The following UBE4B variants were observed in gnomAD, a reference collection of about 807,000 sequenced individuals.
UBE4B encodes ubiquitination factor E4B.
UBE4B carries 27 observed loss-of-function variants against 148.1 expected under a neutral mutation model. The ratio of observed to expected loss-of-function variants is 0.18; its 90% CI spans 0.13 to 0.25. The LOEUF is 0.25. UBE4B is among the 10% of genes least tolerant of loss of function. UBE4B has a pLI of 1.00. For synonymous variants in UBE4B, 596 were observed against 619.3 expected (o/e 0.96, Z 0.56); for missense variants, 1,170 against 1,662.4 (o/e 0.70, Z 5.15).
At chr1:10,048,631 G>A (rs142869280) in intron 1 of UBE4B, among the ~76,000 whole-genome samples, 1 of 152,284 alleles carries the variant, frequency 6.6e-6, no homozygotes, top group East Asian at 1.9e-4. Context: ...TTCATGATGT[G>A]GGGGAATGCT....
intron 19 of UBE4B, among the ~76,000 whole-genome samples, chr1:10,148,442 G>T (rs1387459487): frequency 1.3e-5 from 2 of 151,740 alleles, no homozygotes; most frequent in Non-Finnish European, 2.9e-5. Context: ...GACCATCCTG[G>T]CCAACGTGGT....
intron 8 of UBE4B, 36 bp from the exon 9 acceptor site, chr1:10,119,477 T>C (rs756118043): frequency 1.2e-6 from 2 of 1,600,184 alleles, no homozygotes; most frequent in African/African-American, 2.7e-5. Context: ...GTATTGTTTG[T>C]TTCTTGTCGT....
chr1:10,101,219 G>T (rs750508423), intron 4 of UBE4B, 24 bp downstream of exon 4: 6 of 1,608,242 alleles, frequency 3.7e-6, no homozygotes, highest in Middle Eastern at 3.3e-4. Flanking sequence ...GAAGCCCTTG[G>T]TACAGGTAAT....
chr1:10,078,497 T>G (rs2101843158), intron 2 of UBE4B, among the ~76,000 whole-genome samples: 1 of 152,302 alleles, frequency 6.6e-6, no homozygotes, highest in East Asian at 1.9e-4. Flanking sequence ...GAGGACAGTC[T>G]AGTTTTCTTA....
At chr1:10,155,969 G>T (rs116800840) in intron 21 of UBE4B, among the ~76,000 whole-genome samples, 3,464 of 151,454 alleles carry the variant, frequency 0.023, 63 homozygotes, top group Non-Finnish European at 0.035. Flanking sequence ...GGTGGAGGTC[G>T]CAGTGAGCCA....
At chr1:10,174,939 T>C (rs1180486070) in intron 25 of UBE4B, among the ~76,000 whole-genome samples, 1 of 152,122 alleles carries the variant, frequency 6.6e-6, no homozygotes, top group Non-Finnish European at 1.5e-5. Flanking sequence ...CAGCAGTATC[T>C]TAGTTTGCTT....
intron 2 of UBE4B, among the ~76,000 whole-genome samples, chr1:10,086,780 C>T (rs1644772475): frequency 1.3e-5 from 2 of 151,990 alleles, no homozygotes; most frequent in Admixed American, 6.6e-5. Context: ...GCCTCTGCCT[C>T]CCAGGTTCAA....
chr1:10,071,217 A>G (rs1349320443), intron 1 of UBE4B, among the ~76,000 whole-genome samples: 1 of 152,050 alleles, frequency 6.6e-6, no homozygotes, highest in African/African-American at 2.4e-5. Context: ...TTGGCTATTT[A>G]TTTTTAAATC....
chr1:10,173,595 C>T (rs1448558293), intron 25 of UBE4B, among the ~76,000 whole-genome samples: 4 of 152,044 alleles, frequency 2.6e-5, no homozygotes, highest in Admixed American at 2.6e-4. Flanking sequence ...TCATAGCCTG[C>T]AGTGAGGGAA....
rs772491298 is a variant in UBE4B, at chr1:10,050,561, T to C, written c.24+16867T>C. Among the ~76,000 whole-genome samples the C allele has an allele frequency of 4.1e-4, 63 of 152,226 alleles. 1 individual carries two copies. The highest frequency in any genetic ancestry group is 6.8e-4 in the Non-Finnish European group (46 of 68,042). ...CACTGCATTGAATTATTTATTCACT[T>C]GGTGTAGCTCCTACTGGGATATGAA... On this transcript the variant is annotated intron_variant, in intron 1 of 27. Transcript: ENST00000343090.
At chr1:10,074,156 A>G (rs1644539753) in intron 2 of UBE4B, among the ~76,000 whole-genome samples, 1 of 151,424 alleles carries the variant, frequency 6.6e-6, no homozygotes, top group Non-Finnish European at 1.5e-5. Context: ...TAGGCAGGGA[A>G]CCTCCATCAG....
intron 1 of UBE4B, among the ~76,000 whole-genome samples, chr1:10,034,623 A>G (rs1011880914): frequency 1.3e-5 from 2 of 152,060 alleles, no homozygotes; most frequent in East Asian, 1.9e-4. Context: ...CTACCTCCAC[A>G]TTTCTTCACT....
In UBE4B at chr1:10,171,322, A is replaced by G; in HGVS notation, c.3518A>G (p.Asp1173Gly). 6.2e-7 allele frequency: 1 copy of G among 1,613,584 alleles called. No homozygotes were observed. The highest frequency in any genetic ancestry group is 1.3e-5 in the African/African-American group (1 of 75,068). Residue 1173 changes from aspartate to glycine, a missense_variant, in exon 25 of 28, where the codon GAC (aspartate) becomes GGC (glycine). By Grantham distance (94) the Asp-to-Gly change is moderately conservative. This residue lies in a region of UBE4B where 348 missense variants were observed against 627.2 expected (regional missense o/e 0.55). Transcript: ENST00000343090. ...DCARFAKAIA[D>G]DQRSYSKELF... ...GCTCGGTTCGCGAAAGCCATTGCTG[A>G]CGACCAGGTCAGTGAGTTGAGTTGG...
In UBE4B at chr1:10,100,902, A is replaced by G. The variant is rs537247180; in HGVS notation, c.348-206A>G. 7.5e-6 allele frequency: 4 copies of G among 535,018 alleles called. No homozygotes were observed. In the African/African-American group the frequency reaches 7.7e-5, roughly 10 times the overall value. The allele number at this position is 535,018 out of a possible 1,614,324, so 33.1% of individuals were successfully genotyped here. A position where few individuals can be genotyped will look rare whatever the true frequency, so the allele number is the denominator to read the frequency against. The stretch of plus-strand genomic sequence containing the variant: ...GCCCAAGAAAATGACAACTTAGGAA[A>G]AATATTTCCAACATGTATAAGAGAC... On this transcript the variant is annotated intron_variant, in intron 3 of 27. Transcript: ENST00000343090.
In UBE4B at chr1:10,127,672, T is replaced by C. The variant is rs144585660; in HGVS notation, c.1638+795T>C. 8.7e-4 allele frequency among the ~76,000 whole-genome samples: 133 copies of C among 152,354 alleles called. 2 individuals carry two copies. In the East Asian group the frequency reaches 0.02, roughly 23 times the overall value. On this transcript the variant is annotated intron_variant, in intron 11 of 27. Coordinates refer to ENST00000343090, the MANE Select transcript of UBE4B (RefSeq NM_001105562.3). The stretch of plus-strand genomic sequence containing the variant: ...ATGGTTGTTTTTCTTACTGTATTTA[T>C]TTCTTTTACTTATTCCACTGATTGG...
chr1:10,104,910 G>T (rs1645080764), intron 5 of UBE4B, among the ~76,000 whole-genome samples: 1 of 152,178 alleles, frequency 6.6e-6, no homozygotes, highest in Non-Finnish European at 1.5e-5. Flanking sequence ...TTGTTTAGTG[G>T]TATTTAAAAT....
chr1:10,147,925 AT>A (rs1645901270), intron 19 of UBE4B, among the ~76,000 whole-genome samples: 1 of 152,158 alleles, frequency 6.6e-6, no homozygotes, highest in South Asian at 2.1e-4. Context: ...CGTGGAAAAT[AT>A]TATTTAAAAT....
chr1:10,076,831 C>G (rs1644592406), intron 2 of UBE4B, among the ~76,000 whole-genome samples: 1 of 149,826 alleles, frequency 6.7e-6, no homozygotes, highest in Non-Finnish European at 1.5e-5. Context: ...TCTGTAACCT[C>G]CACCTTCTGG....
At chr1:10,129,330 T>G (rs1570943505) in intron 11 of UBE4B, 62 bp from the exon 12 acceptor site, 1 of 1,501,948 alleles carries the variant, frequency 6.7e-7, no homozygotes, top group Non-Finnish European at 9.2e-7. Flanking sequence ...TGTTTCTTTA[T>G]GCTACAAATG....
Sources: allele counts gnomAD v4.1 joint callset (sites outside exome capture counted in the v4.1 genomes callset), GRCh38; gene constraint gnomAD v4.1.1; regional missense constraint gnomAD v4.1.1; transcripts MANE v1.5; gene names NCBI Gene and HGNC (gene_info 2026-07-23, HGNC 2026-07-21).